DUSP16: variants seen among roughly 807,000 people sequenced by gnomAD.
DUSP16 encodes the protein dual specificity phosphatase 16, also known as dual specificity protein phosphatase 16.
In DUSP16, 21 loss-of-function variants were observed where a neutral mutation model predicts 58.3. That is an observed-to-expected ratio of 0.36 (90% CI 0.26 to 0.52). The LOEUF (loss-of-function observed/expected upper bound fraction) is 0.52, where lower values mean the gene tolerates loss of function less well. Ranked by LOEUF, DUSP16 falls within the 20% of genes least tolerant of loss-of-function variation. The pLI is 0.94. For missense variants in DUSP16, 726 were observed against 819.0 expected (o/e 0.89, Z 1.39); for synonymous variants, 320 against 323.8 (o/e 0.99, Z 0.12).
chr12:12,551,328 C>G (rs1377768547), intron 1 of DUSP16, among the ~76,000 whole-genome samples: 5 of 151,666 alleles, frequency 3.3e-5, no homozygotes, highest in Non-Finnish European at 7.4e-5. Context: ...ATGGCGAAAC[C>G]CCCATCTCTA....
At chr12:12,482,753 C>T (rs886495720) in intron 5 of DUSP16, among the ~76,000 whole-genome samples, 1 of 152,196 alleles carries the variant, frequency 6.6e-6, no homozygotes, top group Non-Finnish European at 1.5e-5. Flanking sequence ...TCACTCTGTT[C>T]ATCCAGGCTG....
chr12:12,515,389 G>A (rs1238716098), intron 3 of DUSP16, among the ~76,000 whole-genome samples: 1 of 149,996 alleles, frequency 6.7e-6, no homozygotes, highest in African/African-American at 2.5e-5. Flanking sequence ...GTGCAATGGT[G>A]CGATCTTGGC....
At position 12,521,116 on chromosome 12, in the gene DUSP16, T is replaced by C; in HGVS notation, c.-18A>G. 1 of 1,611,800 alleles carries C rather than the reference T, an allele frequency of 6.2e-7. No individual in the cohort carries two copies. The highest frequency in any genetic ancestry group is 8.5e-7 in the Non-Finnish European group (1 of 1,178,772). ...TGGGCCATGACAACAATAAGTCCTC[T>C]TTTCCCACCTCCTTCTTTAATTTGC... On this transcript the variant is annotated 5_prime_UTR_variant, in exon 2 of 7. Transcript: ENST00000298573.
Position 12,477,473 on chromosome 12 carries a change from T to G in DUSP16, c.1358A>C (p.Glu453Ala). 1 of 1,597,412 alleles carries G rather than the reference T, an allele frequency of 6.3e-7. No individual in the cohort carries two copies. The highest frequency in any genetic ancestry group is 8.5e-7 in the Non-Finnish European group (1 of 1,170,946). ...CQFSPVQELS[E>A]QTPETSPDKE... ...ATCAGGACTGGTTTCGGGAGTCTGC[T>G]CCGATAGTTCCTGAACAGGGGAGAA... Residue 453 changes from glutamate (E) to alanine (A), a missense_variant, in exon 7 of 7, where the codon GAG becomes GCG. Physicochemically the swap from Glu to Ala is moderately radical, Grantham distance 107 (BLOSUM62 -1). Transcript: ENST00000298573. This position sits in a 1 kb window ranked among gnomAD's most constrained non-coding sequence, Gnocchi z 4.1.
At chr12:12,491,869 C>A (rs1282453054) in intron 4 of DUSP16, among the ~76,000 whole-genome samples, 1 of 152,154 alleles carries the variant, frequency 6.6e-6, no homozygotes, top group Non-Finnish European at 1.5e-5. Flanking sequence ...TACACTACAC[C>A]CAGAATCTGT....
In DUSP16 at chr12:12,521,171, G is replaced by A; in HGVS notation, c.-73C>T. 6.4e-6 allele frequency: 10 copies of A among 1,558,920 alleles called. No individual in the cohort carries two copies. The highest frequency in any genetic ancestry group is 8.7e-6 in the Non-Finnish European group (10 of 1,152,768). On this transcript the variant is annotated 5_prime_UTR_variant, in exon 2 of 7. Coordinates refer to ENST00000298573, the MANE Select transcript of DUSP16 (RefSeq NM_030640.3). ...ATGATGTAATGGTGGTGTGCTCAAA[G>A]GCTCAGCCACTCCATTGTACTAAAA...
chr12:12,474,548 G>C lies in DUSP16; in HGVS notation c.*2285C>G, dbSNP rs901224220. Reference sequence around the variant, plus strand: ...ACCTAAAGACATCCAAGCAGCTCCAGAGCCTGCCTCCGAGGCCACCCCTTC... The same window carrying C: ...ACCTAAAGACATCCAAGCAGCTCCACAGCCTGCCTCCGAGGCCACCCCTTC... On this transcript the variant is annotated 3_prime_UTR_variant, in exon 7 of 7. Coordinates refer to ENST00000298573, the MANE Select transcript of DUSP16 (RefSeq NM_030640.3). The C allele has an allele frequency of 2.6e-5, 4 of 152,372 alleles. No individual in the cohort carries two copies. Among genetic ancestry groups the C allele is most frequent in the African/African-American group, 9.7e-5 (4 of 41,430 alleles). 9.4% of individuals were successfully genotyped at this position (152,372 alleles called of 1,614,324 possible). A position where few individuals can be genotyped will look rare whatever the true frequency, so the allele number is the denominator to read the frequency against.
At chr12:12,535,585 A>G (rs1042587534) in intron 1 of DUSP16, among the ~76,000 whole-genome samples, 1 of 152,178 alleles carries the variant, frequency 6.6e-6, no homozygotes. Flanking sequence ...TAAAATACCA[A>G]TATGTCAGTG....
At chr12:12,557,669 T>C (rs1457921851) in intron 1 of DUSP16, among the ~76,000 whole-genome samples, 1 of 152,238 alleles carries the variant, frequency 6.6e-6, no homozygotes, top group Non-Finnish European at 1.5e-5. Flanking sequence ...ATTCACAGAA[T>C]AAGTGCAATT....
chr12:12,484,251 C>G (rs1173754669), intron 5 of DUSP16, among the ~76,000 whole-genome samples: 1 of 152,040 alleles, frequency 6.6e-6, no homozygotes, highest in Non-Finnish European at 1.5e-5. Flanking sequence ...GATGATGGCT[C>G]TAATAGAACC....
intron 1 of DUSP16, among the ~76,000 whole-genome samples, chr12:12,549,684 G>GA (rs1566055125): frequency 6.7e-6 from 1 of 149,972 alleles, no homozygotes; most frequent in African/African-American, 2.5e-5. Flanking sequence ...TGTCATTCAA[G>GA]AAAAAAAATA....
chr12:12,507,279 T>C (rs1322299050), intron 3 of DUSP16, among the ~76,000 whole-genome samples: 2 of 152,208 alleles, frequency 1.3e-5, no homozygotes, highest in Non-Finnish European at 2.9e-5. Context: ...CCTCTCCTTT[T>C]AGCAGTTCCA....
intron 3 of DUSP16, among the ~76,000 whole-genome samples, chr12:12,514,706 T>C (rs1944122700): frequency 6.6e-6 from 1 of 152,208 alleles, no homozygotes; most frequent in Admixed American, 6.5e-5. Context: ...TCTTGCTCTG[T>C]CGCCCAGGCT....
At chr12:12,486,490 GT>G (rs1296806565) in intron 5 of DUSP16, among the ~76,000 whole-genome samples, 34 of 126,118 alleles carry the variant, frequency 2.7e-4, no homozygotes, top group African/African-American at 8.3e-4. Context: ...GAGTGTGTGT[GT>G]GTGTGTGTGT....
chr12:12,498,576 G>A (rs1306161247), intron 4 of DUSP16, among the ~76,000 whole-genome samples: 1 of 151,816 alleles, frequency 6.6e-6, no homozygotes, highest in Admixed American at 6.6e-5. Context: ...CACAAAGCCC[G>A]GCTAATTTTT....
intron 1 of DUSP16, among the ~76,000 whole-genome samples, chr12:12,558,386 G>GTT (rs139098397): frequency 3.2e-4 from 46 of 143,420 alleles, no homozygotes; most frequent in South Asian, 6.8e-4. Flanking sequence ...AAGATTATAT[G>GTT]TTTTTTTTTT....
Position 12,521,091 on chromosome 12 carries a change from T to C in DUSP16, c.8A>G (p.His3Arg), listed in dbSNP as rs762894388. The C allele has an allele frequency of 3.7e-6, 6 of 1,614,026 alleles. No homozygotes were observed. The highest frequency in any genetic ancestry group is 1.7e-5 in the Admixed American group (1 of 59,992). ...AACAATTTGAGTTCCAATCATCTCATGGGCCATGACAACAATAAGTCCTCT... is the reference window on the plus strand; with the variant it reads ...AACAATTTGAGTTCCAATCATCTCACGGGCCATGACAACAATAAGTCCTCT... MA[H>R]EMIGTQIVTE... Residue 3 changes from histidine (H) to arginine (R), a missense_variant, in exon 2 of 7, where the codon CAT becomes CGT. His to Arg is a conservative substitution (Grantham distance 29). Transcript: ENST00000298573.
chr12:12,518,438 G>A (rs1465080117), intron 3 of DUSP16, among the ~76,000 whole-genome samples: 1 of 151,886 alleles, frequency 6.6e-6, no homozygotes, highest in East Asian at 1.9e-4. Context: ...GCTTGAACCT[G>A]GGAAGCAGAG....
intron 5 of DUSP16, among the ~76,000 whole-genome samples, chr12:12,483,958 T>TA (rs1468011948): frequency 7.4e-5 from 6 of 81,390 alleles, no homozygotes; most frequent in African/African-American, 1.0e-4. Context: ...CCCTAAAACT[T>TA]AAAGTATAAT....
Sources: gnomAD v4.1 joint callset for allele counts (sites outside exome capture counted in the v4.1 genomes callset) on GRCh38, gnomAD v4.1.1 for gene constraint, Gnocchi (gnomAD v3.1) non-coding constraint, MANE v1.5 for transcripts, NCBI Gene and HGNC (gene_info 2026-07-23, HGNC 2026-07-21) for gene names.